The following SVOP variants were observed in gnomAD, a reference collection of about 807,000 sequenced individuals.
The protein encoded by SVOP is synaptic vesicle 2-related protein.
SVOP carries 17 observed loss-of-function variants against 69.1 expected under a neutral mutation model. The observed-to-expected ratio is 0.25, with a 90% CI of 0.17 to 0.37. The LOEUF (loss-of-function observed/expected upper bound fraction) is 0.37, where lower values mean the gene tolerates loss of function less well. Among genes scored for constraint, SVOP ranks in the 10% least tolerant of loss-of-function variants. SVOP has a pLI of 1.00. For missense variants in SVOP, 435 were observed against 597.5 expected, an observed-to-expected ratio of 0.73 and a Z score of 2.84; for synonymous variants, 238 against 238.6, an observed-to-expected ratio of 1.00 and a Z score of 0.02.
intron 13 of SVOP, among the ~76,000 whole-genome samples, chr12:108,918,897 C>A (rs149008666): frequency 1.1e-4 from 17 of 152,262 alleles, no homozygotes; most frequent in Non-Finnish European, 2.5e-4. Context: ...CCATCAGAGA[C>A]CCTGATCTTT....
intron 1 of SVOP, among the ~76,000 whole-genome samples, chr12:109,008,807 T>C (rs2040324260): frequency 1.3e-5 from 2 of 151,988 alleles, no homozygotes. Context: ...CAAAACCAAA[T>C]TGCCTGAGTT....
chr12:108,977,122 G>A (rs548807586), intron 4 of SVOP, among the ~76,000 whole-genome samples: 1 of 152,320 alleles, frequency 6.6e-6, no homozygotes, highest in East Asian at 1.9e-4. Context: ...CAAGAAAACA[G>A]GCATACAGAG....
chr12:108,960,839 C>T, intron 6 of SVOP, 84 bp downstream of exon 6: 1 of 1,476,490 alleles, frequency 6.8e-7, no homozygotes, highest in Non-Finnish European at 9.0e-7. Context: ...TGCCCCATCT[C>T]AGCCCCTAAC....
intron 13 of SVOP, 133 bp from the exon 14 acceptor site, chr12:108,918,257 G>T (rs2039726392): frequency 3.4e-6 from 2 of 581,914 alleles, no homozygotes; most frequent in Admixed American, 3.5e-5. Context: ...CATTGATACA[G>T]ACATGCAGGC....
At position 108,909,267 on chromosome 12, in the gene SVOP, T is replaced by C. The variant is rs2039665408; in HGVS notation, c.*3268A>G. On this transcript the variant is annotated 3_prime_UTR_variant, in exon 16 of 16. Coordinates refer to ENST00000610966, the MANE Select transcript of SVOP (RefSeq NM_018711.5). ...GTTCTTAGGTTGGTGCAAAAGTAATTGCATTTGGGAGGCCAAGGTGGGCGG... is the reference window on the plus strand; with the variant it reads ...GTTCTTAGGTTGGTGCAAAAGTAATCGCATTTGGGAGGCCAAGGTGGGCGG... 1.3e-5 allele frequency: 2 copies of C among 152,150 alleles called. No homozygotes were observed. The highest frequency in any genetic ancestry group is 1.3e-4 in the Admixed American group (2 of 15,264). The allele number at this position is 152,150 out of a possible 1,614,324, so 9.4% of individuals were successfully genotyped here.
intron 4 of SVOP, among the ~76,000 whole-genome samples, chr12:108,973,900 C>T (rs1331018626): frequency 1.3e-5 from 2 of 152,224 alleles, no homozygotes; most frequent in East Asian, 1.9e-4. Context: ...ACTGATGATG[C>T]ACTTACAGAT....
chr12:108,938,739 T>A (rs2137404698), intron 9 of SVOP, 88 bp downstream of exon 9: 1 of 1,584,926 alleles, frequency 6.3e-7, no homozygotes, highest in Non-Finnish European at 8.6e-7. Flanking sequence ...ACATGTGTCC[T>A]CGCATGCATG....
chr12:108,934,706 A>G (rs1348037196), intron 10 of SVOP, among the ~76,000 whole-genome samples: 2 of 152,222 alleles, frequency 1.3e-5, no homozygotes, highest in Non-Finnish European at 2.9e-5. Context: ...CAAAACCAAG[A>G]TGGCGATGAG....
At chr12:108,916,479 TG>T (rs2039714358) in intron 14 of SVOP, among the ~76,000 whole-genome samples, 1 of 152,152 alleles carries the variant, frequency 6.6e-6, no homozygotes, top group Admixed American at 6.5e-5. Flanking sequence ...TTCTTTGTCA[TG>T]GGGGTGGGGG....
chr12:108,972,305 A>G, intron 5 of SVOP, 100 bp downstream of exon 5: 1 of 1,107,714 alleles, frequency 9.0e-7, no homozygotes, highest in Non-Finnish European at 1.3e-6. Context: ...CATCCTTATT[A>G]GGCCTCCCAA....
intron 1 of SVOP, among the ~76,000 whole-genome samples, chr12:109,013,261 T>A (rs2040351515): frequency 6.6e-6 from 1 of 151,930 alleles, no homozygotes; most frequent in African/African-American, 2.4e-5. Flanking sequence ...AATTATAGAG[T>A]TTATTAGCGA....
intron 4 of SVOP, among the ~76,000 whole-genome samples, chr12:108,975,842 C>T (rs933734424): frequency 1.1e-4 from 17 of 152,054 alleles, no homozygotes; most frequent in Admixed American, 2.6e-4. Flanking sequence ...GCTAGGATTA[C>T]AGGACGCGCC....
intron 1 of SVOP, among the ~76,000 whole-genome samples, chr12:109,008,907 T>C (rs928823285): frequency 6.6e-6 from 1 of 151,914 alleles, no homozygotes; most frequent in Admixed American, 6.6e-5. Context: ...AGGCCTGTGC[T>C]GCAACTTTCA....
Position 108,934,274 on chromosome 12 carries a change from G to A in SVOP, c.972-3C>T. On this transcript the variant is annotated splice_polypyrimidine_tract_variant and splice_region_variant and intron_variant, in intron 10 of 15. Transcript: ENST00000610966. Reference sequence around the variant, plus strand: ...AGTAAGAGAATGCATTGGAAAACCTGCCAGGAGAAAGCAAGAAAGGTAAAG... The same window carrying A: ...AGTAAGAGAATGCATTGGAAAACCTACCAGGAGAAAGCAAGAAAGGTAAAG... The A allele has an allele frequency of 6.3e-7, 1 of 1,598,770 alleles. No homozygotes were observed. The highest frequency in any genetic ancestry group is 8.5e-7 in the Non-Finnish European group (1 of 1,172,606).
At position 108,999,062 on chromosome 12, in the gene SVOP, A is replaced by C. The variant is rs1166573844; in HGVS notation, c.36-15301T>G. 7.3e-4 allele frequency among the ~76,000 whole-genome samples: 97 copies of C among 133,256 alleles called. No homozygotes were observed. In the East Asian group the frequency reaches 0.012, roughly 17 times the overall value. The allele number at this position is 133,256 out of a possible 152,430, so 87.4% of individuals were successfully genotyped here. ...ACCCATCAGTGTGCTGTATTCAGGAAACCCATCTCACGTGCAGAGACACAC... is the reference window on the plus strand; with the variant it reads ...ACCCATCAGTGTGCTGTATTCAGGACACCCATCTCACGTGCAGAGACACAC... On this transcript the variant is annotated intron_variant, in intron 1 of 15. Coordinates refer to ENST00000610966, the MANE Select transcript of SVOP (RefSeq NM_018711.5).
chr12:108,914,401 G>A (rs1180883420), intron 15 of SVOP, among the ~76,000 whole-genome samples: 1 of 152,072 alleles, frequency 6.6e-6, no homozygotes, highest in Admixed American at 6.6e-5. Flanking sequence ...AAAAAAACCT[G>A]GATTTTCAAA....
chr12:108,944,099 G>A (rs1006114788), intron 7 of SVOP, among the ~76,000 whole-genome samples: 2 of 151,796 alleles, frequency 1.3e-5, no homozygotes, highest in East Asian at 1.9e-4. Context: ...CAGGCTGGTC[G>A]AGAACCCCTG....
intron 6 of SVOP, among the ~76,000 whole-genome samples, chr12:108,956,841 C>T (rs1254450154): frequency 6.6e-6 from 1 of 152,128 alleles, no homozygotes; most frequent in Non-Finnish European, 1.5e-5. Context: ...AAGCTGCTGG[C>T]CTAAGAGAGC....
intron 7 of SVOP, among the ~76,000 whole-genome samples, chr12:108,944,171 C>T (rs914042236): frequency 4.0e-5 from 6 of 151,238 alleles, no homozygotes; most frequent in Non-Finnish European, 7.4e-5. Context: ...TGAGCCACTG[C>T]GCCTGGCCTT....
Sources: allele counts gnomAD v4.1 joint callset (sites outside exome capture counted in the v4.1 genomes callset), GRCh38; gene constraint gnomAD v4.1.1; transcripts MANE v1.5; gene names NCBI Gene and HGNC (gene_info 2026-07-23, HGNC 2026-07-21).